The following CADM2 variants were observed in gnomAD, a reference collection of about 807,000 sequenced individuals.
The protein encoded by CADM2 is cell adhesion molecule 2, also known as immunoglobulin superfamily member 4D.
Under a neutral mutation model 49.8 loss-of-function variants are expected in CADM2, and 12 were observed. That is an observed-to-expected ratio of 0.24 (90% CI 0.15 to 0.39). The LOEUF (loss-of-function observed/expected upper bound fraction) is 0.39. Ranked by LOEUF, CADM2 falls within the 10% of genes least tolerant of loss-of-function variation. The probability of loss-of-function intolerance (pLI) is 1.00; values close to 1 mark genes in which losing one functional copy is unlikely to be tolerated. For missense variants in CADM2, 378 were observed against 492.3 expected, an observed-to-expected ratio of 0.77 and a Z score of 2.20; for synonymous variants, 214 against 175.4, an observed-to-expected ratio of 1.22 and a Z score of -1.74.
At chr3:85,501,550 ATAT>A (rs2040115565) in intron 1 of CADM2, among the ~76,000 whole-genome samples, 1 of 152,142 alleles carries the variant, frequency 6.6e-6, no homozygotes. Flanking sequence ...ATTTTTAAAA[ATAT>A]TATTACCAGT....
intron 1 of CADM2, among the ~76,000 whole-genome samples, chr3:85,032,327 C>A (rs2035025741): frequency 3.3e-5 from 5 of 151,946 alleles, no homozygotes; most frequent in Admixed American, 2.0e-4. Flanking sequence ...GGCAGAGGAC[C>A]ACATTGCCAT....
chr3:85,219,159 A>G (rs1328219820), intron 1 of CADM2, among the ~76,000 whole-genome samples: 1 of 152,230 alleles, frequency 6.6e-6, no homozygotes, highest in Non-Finnish European at 1.5e-5. Context: ...GGAATACAAA[A>G]AGAATAGTAT....
chr3:85,983,794 CCTATCTAT>C (rs58036401), intron 8 of CADM2, among the ~76,000 whole-genome samples: 194 of 150,138 alleles, frequency 1.3e-3, no homozygotes, highest in East Asian at 2.2e-3. Flanking sequence ...TGTCTATCTA[CCTATCTAT>C]CTATCTATCT....
chr3:85,843,037 G>A lies in CADM2; in HGVS notation c.239-40254G>A, dbSNP rs1349380606. On this transcript the variant is annotated intron_variant, in intron 3 of 9. Transcript: ENST00000383699. The stretch of plus-strand genomic sequence containing the variant: ...ATACTAGTAGTACCTATGTATATTG[G>A]CAGAGGAAATAGAAAAAGGAAACCG... 2.6e-5 allele frequency among the ~76,000 whole-genome samples: 4 copies of A among 152,138 alleles called. No homozygotes were observed. In the South Asian group the frequency reaches 6.2e-4, roughly 24 times the overall value.
chr3:85,290,595 A>G (rs1191669558), intron 1 of CADM2, among the ~76,000 whole-genome samples: 1 of 152,178 alleles, frequency 6.6e-6, no homozygotes, highest in Non-Finnish European at 1.5e-5. Context: ...GAGATCTGAG[A>G]AGGGGCAGAC....
intron 1 of CADM2, among the ~76,000 whole-genome samples, chr3:85,062,386 T>G (rs2036364130): frequency 6.6e-6 from 1 of 152,058 alleles, no homozygotes; most frequent in Non-Finnish European, 1.5e-5. Context: ...CTTTTATGCT[T>G]TTATTAATAG....
At chr3:85,520,630 A>T (rs1024245135) in intron 1 of CADM2, among the ~76,000 whole-genome samples, 1 of 151,990 alleles carries the variant, frequency 6.6e-6, no homozygotes, top group Admixed American at 6.6e-5. Flanking sequence ...GTTTATATAG[A>T]TTCATCTTCT....
At chr3:85,346,948 G>A (rs2030724687) in intron 1 of CADM2, among the ~76,000 whole-genome samples, 1 of 152,062 alleles carries the variant, frequency 6.6e-6, no homozygotes, top group African/African-American at 2.4e-5. Context: ...TAAACTACAA[G>A]TAAATTTTAG....
chr3:85,770,366 G>A lies in CADM2; in HGVS notation c.89-31681G>A, dbSNP rs181509387. ...TCTGTCACCTGGGCTGGAGTGCAGC[G>A]GCACCCTCATGGCTCACTGCAGCCT... On this transcript the variant is annotated intron_variant, in intron 2 of 9. Transcript: ENST00000383699. Among the ~76,000 whole-genome samples, 153 of 152,080 alleles carry A rather than the reference G, an allele frequency of 1.0e-3. 1 individual carries two copies. The highest frequency in any genetic ancestry group is 3.3e-3 in the African/African-American group (135 of 41,498).
At chr3:85,199,390 A>AGAGAGAGAGAGAG (rs1576100575) in intron 1 of CADM2, among the ~76,000 whole-genome samples, 2 of 150,182 alleles carry the variant, frequency 1.3e-5, no homozygotes, top group African/African-American at 4.9e-5. Context: ...AGAGAGAGAG[A>AGAGAGAGAGAGAG]AGCCCAAATA....
chr3:85,495,358 G>A (rs1466605668), intron 1 of CADM2, among the ~76,000 whole-genome samples: 10 of 152,038 alleles, frequency 6.6e-5, no homozygotes, highest in African/African-American at 1.4e-4. Context: ...TCATTTATAC[G>A]TAACCTTAGA....
intron 1 of CADM2, among the ~76,000 whole-genome samples, chr3:85,642,162 C>G (rs959511917): frequency 3.3e-5 from 5 of 152,182 alleles, no homozygotes; most frequent in Non-Finnish European, 4.4e-5. Flanking sequence ...TCTCCTCATA[C>G]TTAGATAGAC....
chr3:85,817,777 C>A (rs1262315638), intron 3 of CADM2, among the ~76,000 whole-genome samples: 1 of 152,000 alleles, frequency 6.6e-6, no homozygotes, highest in Non-Finnish European at 1.5e-5. Context: ...TGCACCACTG[C>A]ACTCCAGCGT....
chr3:85,322,980 G>T (rs1210672770), intron 1 of CADM2, among the ~76,000 whole-genome samples: 1 of 152,136 alleles, frequency 6.6e-6, no homozygotes, highest in Non-Finnish European at 1.5e-5. Context: ...TTCTTTTATT[G>T]TGGTGTTTTG....
At chr3:84,992,982 C>G (rs2107184297) in intron 1 of CADM2, among the ~76,000 whole-genome samples, 1 of 152,144 alleles carries the variant, frequency 6.6e-6, no homozygotes, top group South Asian at 2.1e-4. Context: ...GTTGTCAACC[C>G]AGGATGTATG....
intron 3 of CADM2, among the ~76,000 whole-genome samples, chr3:85,833,026 T>C (rs1487875707): frequency 6.6e-6 from 1 of 151,946 alleles, no homozygotes; most frequent in Non-Finnish European, 1.5e-5. Flanking sequence ...GGATGTTGAA[T>C]TTTATCAAAA....
At chr3:85,816,248 T>G (rs1022811320) in intron 3 of CADM2, among the ~76,000 whole-genome samples, 2 of 151,408 alleles carry the variant, frequency 1.3e-5, no homozygotes, top group African/African-American at 4.9e-5. Flanking sequence ...TTGAGGCAGG[T>G]GTAAACTTAG....
chr3:85,937,868 C>T (rs925407089), intron 7 of CADM2, among the ~76,000 whole-genome samples: 4 of 152,116 alleles, frequency 2.6e-5, no homozygotes, highest in South Asian at 4.1e-4. Context: ...AGCTCCACAA[C>T]GTCTTCAAAG....
chr3:85,309,394 T>C (rs2044289521), intron 1 of CADM2, among the ~76,000 whole-genome samples: 1 of 152,144 alleles, frequency 6.6e-6, no homozygotes, highest in Admixed American at 6.5e-5. Flanking sequence ...CATTGTGCTT[T>C]CTGTCTGTGT....
Sources: gnomAD v4.1 joint callset for allele counts (sites outside exome capture counted in the v4.1 genomes callset) on GRCh38, gnomAD v4.1.1 for gene constraint, MANE v1.5 for transcripts, NCBI Gene and HGNC (gene_info 2026-07-23, HGNC 2026-07-21) for gene names.